Variants in CDK8 observed in about 807,000 individuals in gnomAD.
CDK8 encodes the protein cyclin dependent kinase 8.
A neutral mutation model predicts 71.5 loss-of-function variants in CDK8; 29 were observed. The ratio of observed to expected loss-of-function variants is 0.41; its 90% CI spans 0.30 to 0.55. The LOEUF (loss-of-function observed/expected upper bound fraction) is 0.55. Among genes scored for constraint, CDK8 ranks in the 20% least tolerant of loss-of-function variants. CDK8 has a pLI of 0.37. For synonymous variants in CDK8, 161 were observed against 192.1 expected, an observed-to-expected ratio of 0.84 and a Z score of 1.34; for missense variants, 288 against 572.6, an observed-to-expected ratio of 0.50 and a Z score of 5.07.
Position 26,356,119 on chromosome 13 carries a change from G to A in CDK8, c.456+2239G>A, listed in dbSNP as rs1038506304. Among the ~76,000 whole-genome samples the A allele has an allele frequency of 2.6e-5, 4 of 152,188 alleles. No individual in the cohort carries two copies. In the South Asian group the frequency reaches 6.3e-4, roughly 24 times the overall value. ...ATTTCAGAAGGCTCTGTCTGTTAGTGGTGTACTAAGTGGTGGAAAGTGGAA... is the reference window on the plus strand; with the variant it reads ...ATTTCAGAAGGCTCTGTCTGTTAGTAGTGTACTAAGTGGTGGAAAGTGGAA... On this transcript the variant is annotated intron_variant, in intron 4 of 12. Coordinates refer to ENST00000381527, the MANE Select transcript of CDK8 (RefSeq NM_001260.3).
At chr13:26,281,521 AC>A (rs1482437971) in intron 1 of CDK8, among the ~76,000 whole-genome samples, 2 of 152,232 alleles carry the variant, frequency 1.3e-5, no homozygotes, top group African/African-American at 4.8e-5. Context: ...GAAATAGTCT[AC>A]CCAAATGAGA....
chr13:26,269,331 A>G (rs544948707), intron 1 of CDK8, among the ~76,000 whole-genome samples: 13 of 152,300 alleles, frequency 8.5e-5, no homozygotes, highest in African/African-American at 2.9e-4. Flanking sequence ...CTAAAAACCT[A>G]TTTTAGTACA....
rs375338510 is a variant in CDK8 at position 26,386,572 on chromosome 13, TG to T, written c.646+1231del. Among the ~76,000 whole-genome samples, 334 of 152,300 alleles carry T rather than the reference TG, an allele frequency of 2.2e-3. 2 individuals carry two copies. The highest frequency in any genetic ancestry group is 7.7e-3 in the African/African-American group (321 of 41,552). On this transcript the variant is annotated intron_variant, in intron 6 of 12. Coordinates refer to ENST00000381527, the MANE Select transcript of CDK8 (RefSeq NM_001260.3). ...TTTTATTCCTCTGGGTTAGATCTAT[TG>T]CTTTCTGGATTTCATGATTTCATTT...
chr13:26,289,711 C>T (rs1280625419), intron 1 of CDK8, among the ~76,000 whole-genome samples: 1 of 152,070 alleles, frequency 6.6e-6, no homozygotes, highest in East Asian at 1.9e-4. Flanking sequence ...CCACCATGCA[C>T]AGCTAATTTT....
chr13:26,279,552 G>T (rs1872667902), intron 1 of CDK8, among the ~76,000 whole-genome samples: 1 of 152,004 alleles, frequency 6.6e-6, no homozygotes, highest in Admixed American at 6.6e-5. Context: ...TCTAGAATTT[G>T]TGCTGTTTTA....
intron 2 of CDK8, among the ~76,000 whole-genome samples, chr13:26,344,564 A>C (rs541078867): frequency 6.6e-6 from 1 of 152,290 alleles, no homozygotes; most frequent in East Asian, 1.9e-4. Flanking sequence ...CAGGAGTTCG[A>C]GACCAGCCTG....
At chr13:26,278,033 T>C (rs1333690899) in intron 1 of CDK8, among the ~76,000 whole-genome samples, 1 of 152,146 alleles carries the variant, frequency 6.6e-6, no homozygotes, top group African/African-American at 2.4e-5. Context: ...GTACTCCAGA[T>C]TATGGAATGG....
intron 1 of CDK8, among the ~76,000 whole-genome samples, chr13:26,328,970 AT>A (rs1231401137): frequency 6.6e-6 from 1 of 152,064 alleles, no homozygotes; most frequent in African/African-American, 2.4e-5. Flanking sequence ...CCATTGCATG[AT>A]TTTGCTGTGT....
At chr13:26,391,506 A>T (rs1875745300) in intron 6 of CDK8, among the ~76,000 whole-genome samples, 1 of 152,138 alleles carries the variant, frequency 6.6e-6, no homozygotes, top group African/African-American at 2.4e-5. Flanking sequence ...TAACCAGATG[A>T]ATTGTTACAG....
chr13:26,292,281 C>CA (rs1170887654), intron 1 of CDK8, among the ~76,000 whole-genome samples: 1 of 152,162 alleles, frequency 6.6e-6, no homozygotes, highest in African/African-American at 2.4e-5. Context: ...CCTCACTACT[C>CA]AGAGTGCGAT....
intron 1 of CDK8, among the ~76,000 whole-genome samples, chr13:26,284,828 C>CA (rs1330797842): frequency 2.7e-5 from 4 of 147,950 alleles, no homozygotes; most frequent in African/African-American, 1.0e-4. Context: ...ACAACAAAAA[C>CA]AAAAAGAAGG....
chr13:26,400,007 A>T, intron 9 of CDK8: 1 of 198,074 alleles, frequency 5.0e-6, no homozygotes, highest in Non-Finnish European at 1.0e-5. Flanking sequence ...GGCTCTTGAA[A>T]TGTGCCTGGT....
chr13:26,363,562 G>C (rs939014816), intron 4 of CDK8, among the ~76,000 whole-genome samples: 5 of 151,932 alleles, frequency 3.3e-5, no homozygotes, highest in African/African-American at 1.2e-4. Context: ...AGGTCTTGCT[G>C]TGTTGCCCAG....
At chr13:26,334,984 A>G (rs1250197776) in intron 1 of CDK8, among the ~76,000 whole-genome samples, 1 of 152,168 alleles carries the variant, frequency 6.6e-6, no homozygotes, top group Non-Finnish European at 1.5e-5. Flanking sequence ...CCTTCAAGCC[A>G]GAGAGCAAAG....
chr13:26,362,560 G>A (rs1359859640), intron 4 of CDK8, among the ~76,000 whole-genome samples: 1 of 152,152 alleles, frequency 6.6e-6, no homozygotes, highest in Admixed American at 6.5e-5. Context: ...CAGCTCCAGA[G>A]GAAAGAGAAG....
In CDK8 at chr13:26,254,577, T is replaced by TC; in HGVS notation, c.-61dup. The stretch of plus-strand genomic sequence containing the variant: ...CCCGGGGGCTGCGGCTGCCCGTGCT[T>TC]CCCCGGTCCCCACCCCTGCCCCCCG... On this transcript the variant is annotated 5_prime_UTR_variant, in exon 1 of 13. Coordinates refer to ENST00000381527, the MANE Select transcript of CDK8 (RefSeq NM_001260.3). The surrounding 1 kb of genome is among the most constrained non-coding windows in gnomAD (Gnocchi z 6.7). 1 of 1,384,874 alleles carries TC rather than the reference T, an allele frequency of 7.2e-7. No homozygotes were observed. Among genetic ancestry groups the TC allele is most frequent in the Non-Finnish European group, 9.8e-7 (1 of 1,023,042 alleles). 85.8% of individuals were successfully genotyped at this position (1,384,874 alleles called of 1,614,324 possible).
chr13:26,275,615 C>A (rs1241822311), intron 1 of CDK8, among the ~76,000 whole-genome samples: 3 of 152,076 alleles, frequency 2.0e-5, no homozygotes, highest in East Asian at 3.8e-4. Context: ...AATCTAGTAA[C>A]CCTGTGCATA....
In CDK8 at chr13:26,281,825, GAATA is replaced by G. The variant is rs1473896381; in HGVS notation, c.128+27065_128+27068del. ...TCGTAGAGATAATGTTTATTCTAGA[GAATA>G]AATAAATATTGTATTCCAGAGAAAT... On this transcript the variant is annotated intron_variant, in intron 1 of 12. Coordinates refer to ENST00000381527, the MANE Select transcript of CDK8 (RefSeq NM_001260.3). Among the ~76,000 whole-genome samples, 4 of 151,540 alleles carry G rather than the reference GAATA, an allele frequency of 2.6e-5. 1 individual carries two copies. The highest frequency in any genetic ancestry group is 3.9e-4 in the East Asian group (2 of 5,138).
intron 3 of CDK8, among the ~76,000 whole-genome samples, chr13:26,352,710 G>A (rs1301354944): frequency 1.3e-5 from 2 of 152,086 alleles, no homozygotes; most frequent in South Asian, 2.1e-4. Flanking sequence ...CTACATATGT[G>A]CAAACTGCTA....
Sources: gnomAD v4.1 joint callset for allele counts (sites outside exome capture counted in the v4.1 genomes callset) on GRCh38, gnomAD v4.1.1 for gene constraint, Gnocchi (gnomAD v3.1) non-coding constraint, MANE v1.5 for transcripts, NCBI Gene and HGNC (gene_info 2026-07-23, HGNC 2026-07-21) for gene names.